The following SCD5 variants were observed in gnomAD, a reference collection of about 807,000 sequenced individuals.
SCD5 encodes the protein stearoyl-CoA desaturase 5, also known as acyl-CoA-desaturase 4.
A neutral mutation model predicts 30.4 loss-of-function variants in SCD5; 20 were observed. The ratio of observed to expected loss-of-function variants is 0.66; its 90% CI spans 0.46 to 0.96. The LOEUF (loss-of-function observed/expected upper bound fraction) is 0.96. Ranked by LOEUF, SCD5 falls within the 40% of genes least tolerant of loss-of-function variation. SCD5 has a pLI of 0.00. For missense variants in SCD5, 381 were observed against 443.3 expected (o/e 0.86, Z 1.26); for synonymous variants, 173 against 176.4 (o/e 0.98, Z 0.16).
intron 2 of SCD5, among the ~76,000 whole-genome samples, chr4:82,690,618 C>T (rs545385946): frequency 6.6e-6 from 1 of 152,212 alleles, no homozygotes; most frequent in Non-Finnish European, 1.5e-5. Context: ...ATACTGTTAA[C>T]ATCCTCTTTC....
intron 1 of SCD5, among the ~76,000 whole-genome samples, chr4:82,758,101 G>C (rs754505681): frequency 5.1e-4 from 78 of 152,200 alleles, no homozygotes; most frequent in Non-Finnish European, 9.8e-4. Context: ...GGACTCTGGA[G>C]ACGTTCAGAG....
intron 1 of SCD5, among the ~76,000 whole-genome samples, chr4:82,784,601 C>A (rs1721947323): frequency 6.6e-6 from 1 of 152,180 alleles, no homozygotes; most frequent in Admixed American, 6.5e-5. Flanking sequence ...TCTATTCAGA[C>A]AAGTGAGTGA....
At chr4:82,664,851 C>A (rs1488648338) in intron 3 of SCD5, among the ~76,000 whole-genome samples, 2 of 151,376 alleles carry the variant, frequency 1.3e-5, no homozygotes, top group Admixed American at 6.6e-5. Flanking sequence ...AGAAGCCATG[C>A]ATTGTGGCTC....
chr4:82,757,924 C>T (rs1165840497), intron 1 of SCD5, among the ~76,000 whole-genome samples: 2 of 152,228 alleles, frequency 1.3e-5, no homozygotes, highest in South Asian at 2.1e-4. Context: ...AATCCATTAA[C>T]GGCTACGCCA....
intron 3 of SCD5, among the ~76,000 whole-genome samples, chr4:82,674,799 A>C (rs893165553): frequency 2.0e-5 from 3 of 152,224 alleles, no homozygotes; most frequent in Admixed American, 1.3e-4. Context: ...CACGAAAAAG[A>C]AATGAGCTAT....
intron 1 of SCD5, among the ~76,000 whole-genome samples, chr4:82,764,346 G>T (rs1721442334): frequency 6.6e-6 from 1 of 152,078 alleles, no homozygotes; most frequent in African/African-American, 2.4e-5. Flanking sequence ...TATTAATATG[G>T]CTGTTTAAAT....
At position 82,798,381 on chromosome 4, in the gene SCD5, T is replaced by C. The variant is rs373348523; in HGVS notation, c.157A>G (p.Met53Val). The change falls in exon 1 of 5, where the codon ATG (methionine) becomes GTG (valine). Residue 53 changes from methionine to valine, a missense_variant. Coordinates refer to ENST00000319540, the MANE Select transcript of SCD5 (RefSeq NM_001037582.3). ...ACGGCCCCCAAGTGGAGCAAGCTCA[T>C]CAGGACGACATTCCTCCAGACGATG... ...QNIVWRNVVL[M>V]SLLHLGAVYS... 1 of 1,613,364 alleles carries C rather than the reference T, an allele frequency of 6.2e-7. No individual in the cohort carries two copies. The highest frequency in any genetic ancestry group is 8.5e-7 in the Non-Finnish European group (1 of 1,179,616).
intron 1 of SCD5, among the ~76,000 whole-genome samples, chr4:82,768,942 CTT>C (rs56979468): frequency 7.9e-4 from 112 of 141,172 alleles, no homozygotes; most frequent in African/African-American, 2.5e-3. Flanking sequence ...AAACCTAAGA[CTT>C]TTTTTTTTTT....
chr4:82,753,242 A>G, intron 1 of SCD5: 1 of 450,340 alleles, frequency 2.2e-6, no homozygotes, highest in South Asian at 1.6e-5. Flanking sequence ...CAGCCACCCA[A>G]GCCTCACCTG....
chr4:82,636,445 T>C, intron 4 of SCD5, 146 bp downstream of exon 4: 1 of 612,940 alleles, frequency 1.6e-6, no homozygotes, highest in Non-Finnish European at 2.7e-6. Context: ...AGTGAGACTC[T>C]ATCTCGGAAA....
intron 1 of SCD5, among the ~76,000 whole-genome samples, chr4:82,729,055 A>G (rs1720570006): frequency 6.6e-6 from 1 of 152,200 alleles, no homozygotes; most frequent in Admixed American, 6.5e-5. Context: ...GTGTTTGGAG[A>G]AAGAACAGAA....
At chr4:82,665,559 A>G (rs1433203992) in intron 3 of SCD5, among the ~76,000 whole-genome samples, 2 of 152,140 alleles carry the variant, frequency 1.3e-5, no homozygotes, top group Non-Finnish European at 2.9e-5. Flanking sequence ...TAAAATACCA[A>G]GAGAAAAAAC....
intron 4 of SCD5, among the ~76,000 whole-genome samples, chr4:82,634,249 T>C (rs1214763581): frequency 6.6e-6 from 1 of 152,218 alleles, no homozygotes; most frequent in Non-Finnish European, 1.5e-5. Flanking sequence ...TATGTTTTCA[T>C]TTCTCTTTGG....
intron 1 of SCD5, among the ~76,000 whole-genome samples, chr4:82,728,890 C>A (rs552846297): frequency 1.3e-5 from 2 of 152,308 alleles, no homozygotes; most frequent in African/African-American, 4.8e-5. Flanking sequence ...GAAGAACCCA[C>A]CAGCCAATTA....
intron 3 of SCD5, chr4:82,661,102 T>C: frequency 6.2e-7 from 1 of 1,606,144 alleles, no homozygotes; most frequent in Non-Finnish European, 8.5e-7. Flanking sequence ...AGAAAATGAC[T>C]GAGAGTTCCA....
At chr4:82,664,999 C>CTCTCTCTCTCTCTCTCTATATATA (rs1219554314) in intron 3 of SCD5, among the ~76,000 whole-genome samples, 1 of 70,490 alleles carries the variant, frequency 1.4e-5, no homozygotes, top group Non-Finnish European at 2.4e-5. Context: ...CTCTCTCTCT[C>CTCTCTCTCTCTCTCTCTATATATA]TATATATATA....
chr4:82,690,806 C>T (rs1350412744), intron 2 of SCD5, among the ~76,000 whole-genome samples: 4 of 152,032 alleles, frequency 2.6e-5, no homozygotes, highest in Admixed American at 6.6e-5. Context: ...ATTTACTGAC[C>T]GGTACACACT....
At position 82,751,483 on chromosome 4, in the gene SCD5, C is replaced by T. The variant is rs190689773; in HGVS notation, c.233-46070G>A. Among the ~76,000 whole-genome samples the T allele has an allele frequency of 3.0e-4, 45 of 152,312 alleles. No individual in the cohort carries two copies. In the East Asian group the frequency reaches 6.4e-3, roughly 22 times the overall value. On this transcript the variant is annotated intron_variant, in intron 1 of 4. Coordinates refer to ENST00000319540, the MANE Select transcript of SCD5 (RefSeq NM_001037582.3). ...TATGTTTCACTAAATCTTTAAATCT[C>T]TTAGGACTGAGAAAAGCCAAATCCT... is the stretch of plus-strand genomic sequence containing the variant.
chr4:82,671,070 T>C (rs1447314028), intron 3 of SCD5, among the ~76,000 whole-genome samples: 1 of 151,878 alleles, frequency 6.6e-6, no homozygotes, highest in African/African-American at 2.4e-5. Flanking sequence ...CTTATAATAA[T>C]CAAAAGAAGG....
Sources: allele counts gnomAD v4.1 joint callset (sites outside exome capture counted in the v4.1 genomes callset), GRCh38; gene constraint gnomAD v4.1.1; transcripts MANE v1.5; gene names NCBI Gene and HGNC (gene_info 2026-07-23, HGNC 2026-07-21).